PAK3: variants seen among roughly 807,000 people sequenced by gnomAD.
PAK3 encodes the protein serine/threonine-protein kinase PAK 3.
In PAK3, 4 loss-of-function variants were observed where a neutral mutation model predicts 41.0. The observed-to-expected ratio is 0.10, with a 90% confidence interval of 0.05 to 0.22. The LOEUF is 0.22. PAK3 is among the 10% of genes least tolerant of loss of function. The probability of loss-of-function intolerance (pLI) is 1.00; values close to 1 mark genes in which losing one functional copy is unlikely to be tolerated. For synonymous variants in PAK3, 146 were observed against 139.6 expected, an observed-to-expected ratio of 1.05 and a Z score of -0.32; for missense variants, 205 against 409.9, an observed-to-expected ratio of 0.50 and a Z score of 4.32.
intron 16 of PAK3, among the ~76,000 whole-genome samples, chrX:111,196,854 CTTTTTTTTT>C (rs375476309): frequency 1.3e-5 from 1 of 79,200 alleles, no homozygotes; most frequent in South Asian, 5.9e-4. Context: ...TTCTTTCTTT[CTTTTTTTTT>C]TTTTTTTTTG....
chrX:110,947,619 C>A (rs1377312255), intron 1 of PAK3, among the ~76,000 whole-genome samples: 4 of 111,874 alleles, frequency 3.6e-5, no homozygotes, highest in Non-Finnish European at 3.8e-5. Context: ...TCCTGCAGGG[C>A]TTCTAAAAGT....
chrX:111,127,443 GA>G (rs1226015480), intron 5 of PAK3, among the ~76,000 whole-genome samples: 33 of 100,893 alleles, frequency 3.3e-4, no homozygotes, highest in African/African-American at 5.4e-4. Context: ...ACAGGTAGAA[GA>G]AAAAAAAAAA....
intron 4 of PAK3, among the ~76,000 whole-genome samples, chrX:111,119,640 C>T (rs1439107851): frequency 8.9e-6 from 1 of 112,098 alleles, no homozygotes; most frequent in Non-Finnish European, 1.9e-5. Flanking sequence ...ACCAGCAATC[C>T]ATTAATAGTA....
At chrX:111,203,353 G>A (rs906789511) in intron 16 of PAK3, among the ~76,000 whole-genome samples, 7 of 111,817 alleles carry the variant, frequency 6.3e-5, no homozygotes, top group Admixed American at 2.9e-4. Context: ...CATTAGTTCA[G>A]CATATGCCTC....
chrX:110,999,840 G>T (rs2091816381), intron 1 of PAK3, among the ~76,000 whole-genome samples: 1 of 110,535 alleles, frequency 9.0e-6, no homozygotes, highest in Non-Finnish European at 1.9e-5. Flanking sequence ...CAGGCATGTT[G>T]GCAGGCGCCT....
chrX:111,181,140 A>G (rs1406199763), intron 11 of PAK3, among the ~76,000 whole-genome samples: 1 of 111,820 alleles, frequency 8.9e-6, no homozygotes, highest in African/African-American at 3.2e-5. Flanking sequence ...TAAGAAAGGA[A>G]CTCTAACAAG....
chrX:111,182,329 A>G (rs2149279981), intron 11 of PAK3, among the ~76,000 whole-genome samples: 1 of 109,817 alleles, frequency 9.1e-6, no homozygotes, highest in South Asian at 4.1e-4. Flanking sequence ...CCACACCCAT[A>G]ATGTGTTACA....
chrX:111,170,799 T>C (rs1355932857), intron 10 of PAK3, among the ~76,000 whole-genome samples: 3 of 111,189 alleles, frequency 2.7e-5, no homozygotes, highest in Non-Finnish European at 5.7e-5. Flanking sequence ...AAGCACTAGA[T>C]AGTGATAGCA....
chrX:111,106,228 C>T lies in PAK3; in HGVS notation c.-28+2922C>T, dbSNP rs766806998. On this transcript the variant is annotated intron_variant, in intron 4 of 17. Coordinates refer to ENST00000372007, the MANE Select transcript of PAK3 (RefSeq NM_002578.5). ...CATACTGACACACCCTTACTCACTT[C>T]GCTACACACGTTTGCACCAGTGCAC... is the stretch of plus-strand genomic sequence containing the variant. Among the ~76,000 whole-genome samples, 9 of 111,769 alleles carry T rather than the reference C, an allele frequency of 8.1e-5. No homozygotes were observed. In the East Asian group the frequency reaches 1.4e-3, roughly 18 times the overall value.
rs372226855 is a variant in PAK3 at position 111,178,694 on chromosome X, A to G, written c.830+5613A>G. Among the ~76,000 whole-genome samples the G allele has an allele frequency of 9.1e-5, 10 of 110,265 alleles. No homozygotes were observed. The East Asian group carries it at 2.0e-3, about 22-fold the overall frequency. ...ACAAAGATCTCTGTGGACAGAGAGG[A>G]GGGACAAATTATTTACAGCCAAGGA... On this transcript the variant is annotated intron_variant, in intron 11 of 17. Coordinates refer to ENST00000372007, the MANE Select transcript of PAK3 (RefSeq NM_002578.5).
chrX:111,010,845 A>G (rs1044282351), intron 1 of PAK3, among the ~76,000 whole-genome samples: 1 of 112,067 alleles, frequency 8.9e-6, no homozygotes, highest in Non-Finnish European at 1.9e-5. Context: ...GGTCTAGCGC[A>G]CTAGCCAACT....
chrX:110,986,756 CGTGTGTGT>C (rs758904251), intron 1 of PAK3, among the ~76,000 whole-genome samples: 6 of 104,394 alleles, frequency 5.7e-5, no homozygotes, highest in African/African-American at 2.1e-4. Flanking sequence ...CAAGTGTACG[CGTGTGTGT>C]GTGTGTGTGT....
At chrX:111,157,508 C>T (rs1454236208) in intron 8 of PAK3, among the ~76,000 whole-genome samples, 2 of 111,242 alleles carry the variant, frequency 1.8e-5, no homozygotes, top group East Asian at 5.6e-4. Context: ...ACTTCATTCC[C>T]GACCAGGCGC....
chrX:111,172,993 T>C, intron 10 of PAK3, 25 bp from the exon 11 acceptor site: 1 of 916,331 alleles, frequency 1.1e-6, no homozygotes, highest in Non-Finnish European at 1.6e-6. Context: ...CCTCCTCTTT[T>C]CTTCTCTCCC....
At chrX:111,059,341 TG>T in intron 1 of PAK3, among the ~76,000 whole-genome samples, 1 of 110,681 alleles carries the variant, frequency 9.0e-6, no homozygotes, top group East Asian at 2.8e-4. Flanking sequence ...ATTATTTTTT[TG>T]TAATTTTTTT....
intron 1 of PAK3, among the ~76,000 whole-genome samples, chrX:111,033,832 A>T (rs997691783): frequency 3.6e-5 from 4 of 111,767 alleles, no homozygotes; most frequent in Non-Finnish European, 5.6e-5. Context: ...GGTTGCTAGG[A>T]TGGAGACAGC....
chrX:111,195,297 A>T (rs914846509), intron 14 of PAK3, among the ~76,000 whole-genome samples: 1 of 111,790 alleles, frequency 8.9e-6, no homozygotes. Flanking sequence ...CATTAAACTT[A>T]CTACCCTGAG....
chrX:111,146,964 T>C (rs2149110736), intron 6 of PAK3, among the ~76,000 whole-genome samples: 1 of 111,857 alleles, frequency 8.9e-6, no homozygotes, highest in East Asian at 2.8e-4. Flanking sequence ...TCTAAATGCT[T>C]CAGATTATTA....
At chrX:110,976,030 A>C (rs772407007) in intron 1 of PAK3, among the ~76,000 whole-genome samples, 7 of 111,983 alleles carry the variant, frequency 6.3e-5, no homozygotes, top group South Asian at 3.8e-4. Context: ...TAGGCAATAC[A>C]ATTCAGGACA....
Sources: allele counts gnomAD v4.1 joint callset (sites outside exome capture counted in the v4.1 genomes callset), GRCh38; gene constraint gnomAD v4.1.1; transcripts MANE v1.5; gene names NCBI Gene and HGNC (gene_info 2026-07-23, HGNC 2026-07-21).